The following RGPD4 variants were observed in gnomAD, a reference collection of about 807,000 sequenced individuals.
RGPD4 encodes RANBP2 like and GRIP domain containing 4.
In RGPD4, 84 loss-of-function variants were observed where a neutral mutation model predicts 141.1. The ratio of observed to expected loss-of-function variants is 0.60; its 90% CI spans 0.50 to 0.71. The LOEUF (loss-of-function observed/expected upper bound fraction) is 0.71, where lower values mean the gene tolerates loss of function less well. RGPD4 is among the 30% of genes least tolerant of loss of function. The pLI is 0.00. For missense variants in RGPD4, 918 were observed against 1,622.4 expected, an observed-to-expected ratio of 0.57 and a Z score of 7.46; for synonymous variants, 298 against 566.8, an observed-to-expected ratio of 0.53 and a Z score of 6.74.
At chr2:107,889,297 T>A (rs1675588327) in intron 22 of RGPD4, among the ~76,000 whole-genome samples, 1 of 109,838 alleles carries the variant, frequency 9.1e-6, no homozygotes, top group South Asian at 3.5e-4. Context: ...ATGAATTATA[T>A]CTCCAAAACA....
intron 22 of RGPD4, among the ~76,000 whole-genome samples, chr2:107,883,389 T>G (rs1277843250): frequency 1.3e-5 from 2 of 151,522 alleles, no homozygotes; most frequent in Non-Finnish European, 2.9e-5. Context: ...CCCACCACTT[T>G]GGGAGGCCGA....
At chr2:107,845,502 T>C (rs1190214877) in intron 6 of RGPD4, among the ~76,000 whole-genome samples, 1 of 148,170 alleles carries the variant, frequency 6.7e-6, no homozygotes, top group African/African-American at 2.6e-5. Flanking sequence ...GAGGGGTTAC[T>C]TGGGGGCCTG....
chr2:107,829,676 G>A (rs1681396830), intron 1 of RGPD4, among the ~76,000 whole-genome samples: 2 of 152,164 alleles, frequency 1.3e-5, no homozygotes. Flanking sequence ...AGCGCAGGAA[G>A]AGTCCTGGGG....
intron 6 of RGPD4, among the ~76,000 whole-genome samples, chr2:107,847,680 C>T (rs1681998577): frequency 1.8e-5 from 1 of 56,242 alleles, no homozygotes; most frequent in Admixed American, 1.3e-4. Flanking sequence ...AAAAGTTTAT[C>T]GGGGCATGGT....
intron 20 of RGPD4, among the ~76,000 whole-genome samples, chr2:107,878,568 T>C (rs2104512165): frequency 6.6e-6 from 1 of 150,730 alleles, no homozygotes; most frequent in Non-Finnish European, 1.5e-5. Flanking sequence ...ATATGCTTTT[T>C]TGGGCTGCTC....
chr2:107,886,298 TAAAA>T (rs201117721), intron 22 of RGPD4, among the ~76,000 whole-genome samples: 1 of 80,218 alleles, frequency 1.2e-5, no homozygotes, highest in Non-Finnish European at 2.5e-5. Context: ...CAAGCAGTAT[TAAAA>T]AAAAAAAGAA....
At chr2:107,834,878 A>G (rs1681619301) in intron 1 of RGPD4, among the ~76,000 whole-genome samples, 1 of 68,378 alleles carries the variant, frequency 1.5e-5, no homozygotes, top group Non-Finnish European at 3.0e-5. Flanking sequence ...ATAAGTGCTT[A>G]GTTGAGATGG....
In RGPD4 at chr2:107,891,767, G is replaced by T; in HGVS notation, c.*1036G>T. On this transcript the variant is annotated 3_prime_UTR_variant, in exon 23 of 23. Coordinates refer to ENST00000408999, the MANE Select transcript of RGPD4 (RefSeq NM_182588.3). Reference sequence around the variant, plus strand: ...AACAGTGACTATATCACTCAGCATTGGATCTAAATATAAAAGTGGTGCTTT... The same window carrying T: ...AACAGTGACTATATCACTCAGCATTTGATCTAAATATAAAAGTGGTGCTTT... Among the ~76,000 whole-genome samples the T allele has an allele frequency of 7.6e-6, 1 of 131,042 alleles. No homozygotes were observed. Among genetic ancestry groups the T allele is most frequent in the African/African-American group, 2.8e-5 (1 of 35,448 alleles). 86.0% of individuals were successfully genotyped at this position (131,042 alleles called of 152,430 possible).
chr2:107,836,524 G>T, intron 1 of RGPD4, 78 bp from the exon 2 acceptor site: 2 of 1,278,904 alleles, frequency 1.6e-6, no homozygotes, highest in Non-Finnish European at 2.1e-6. Context: ...TAAACTTAGG[G>T]CAGATTTTTA....
At position 107,834,429 on chromosome 2, in the gene RGPD4, T is replaced by G. The variant is rs2919938; in HGVS notation, c.73-2173T>G. On this transcript the variant is annotated intron_variant, in intron 1 of 22. Transcript: ENST00000408999. ...TTCATGAGTTTTAAATTGCAAACAG[T>G]TCTGAATAACATGATAAAAATCTCA... is the stretch of plus-strand genomic sequence containing the variant. Among the ~76,000 whole-genome samples the G allele has an allele frequency of 2.5e-3, 384 of 151,724 alleles. 1 individual carries two copies. The highest frequency in any genetic ancestry group is 7.8e-3 in the African/African-American group (323 of 41,238).
At chr2:107,882,427 CT>C (rs1320070873) in intron 21 of RGPD4, among the ~76,000 whole-genome samples, 3 of 151,564 alleles carry the variant, frequency 2.0e-5, no homozygotes, top group Non-Finnish European at 4.4e-5. Flanking sequence ...GCAAATGCAG[CT>C]TTGAAACTAT....
chr2:107,889,127 G>C lies in RGPD4; in HGVS notation c.5267-1594G>C, dbSNP rs575321452. ...AGGTCAAACTGTCATACATATATAC[G>C]TATGAAAACACAGAATGGTGTCTGG... is the stretch of plus-strand genomic sequence containing the variant. On this transcript the variant is annotated intron_variant, in intron 22 of 22. Coordinates refer to ENST00000408999, the MANE Select transcript of RGPD4 (RefSeq NM_182588.3). Among the ~76,000 whole-genome samples the C allele has an allele frequency of 5.9e-3, 876 of 149,664 alleles. 4 individuals are homozygous for C. Among genetic ancestry groups the C allele is most frequent in the African/African-American group, 0.021 (816 of 39,394 alleles).
chr2:107,876,528 A>G (rs1057394866), intron 20 of RGPD4, among the ~76,000 whole-genome samples: 1 of 151,228 alleles, frequency 6.6e-6, no homozygotes, highest in African/African-American at 2.4e-5. Context: ...GAATGTGTAG[A>G]ACTGCATAAC....
rs1211387960 is a variant in RGPD4 at position 107,886,618 on chromosome 2, AC to A, written c.5266+3746del. ...CCAGAAAGAAAGACATGCAAAGGAA[AC>A]TTACCACCATATTACAGATATGGAC... On this transcript the variant is annotated intron_variant, in intron 22 of 22. Coordinates refer to ENST00000408999, the MANE Select transcript of RGPD4 (RefSeq NM_182588.3). Among the ~76,000 whole-genome samples the A allele has an allele frequency of 5.4e-4, 82 of 151,988 alleles. 1 individual carries two copies. The highest frequency in any genetic ancestry group is 5.9e-5 in the Non-Finnish European group (4 of 67,996).
At chr2:107,827,332 G>C (rs542301792) in intron 1 of RGPD4, among the ~76,000 whole-genome samples, 2 of 90,304 alleles carry the variant, frequency 2.2e-5, no homozygotes, top group Admixed American at 1.0e-4. Context: ...GACCCGGCCC[G>C]GCGGCGGCCT....
rs2919173 is a variant in RGPD4 at position 107,849,202 on chromosome 2, G to A, written c.978+666G>A. 1.6e-4 allele frequency among the ~76,000 whole-genome samples: 10 copies of A among 61,834 alleles called. 1 individual carries two copies. Among genetic ancestry groups the A allele is most frequent in the Admixed American group, 9.5e-4 (7 of 7,356 alleles). 40.6% of individuals were successfully genotyped at this position (61,834 alleles called of 152,430 possible). A position where few individuals can be genotyped will look rare whatever the true frequency, so the allele number is the denominator to read the frequency against. ...CCCGAGTAGCTGGGACTACAGGCCC[G>A]TGCTACCAAGCCCAGCTAATTTTTT... is the stretch of plus-strand genomic sequence containing the variant. On this transcript the variant is annotated intron_variant, in intron 7 of 22. Transcript: ENST00000408999.
chr2:107,828,048 G>T (rs1281483397), intron 1 of RGPD4, among the ~76,000 whole-genome samples: 1 of 57,564 alleles, frequency 1.7e-5, no homozygotes, highest in Non-Finnish European at 3.5e-5. Flanking sequence ...CATGGCTCCC[G>T]ACGGGCGCTG....
intron 22 of RGPD4, among the ~76,000 whole-genome samples, chr2:107,886,588 A>G (rs1016536297): frequency 2.0e-5 from 3 of 151,630 alleles, no homozygotes; most frequent in African/African-American, 7.3e-5. Context: ...AAAAGGTCTA[A>G]GATGCCAGAA....
In RGPD4 at chr2:107,890,817, A is replaced by G; in HGVS notation, c.*86A>G. ...GTTGATGGAAGGAATATTTTTATTA[A>G]CCAAATAAAATCTATTTACAAAAAT... On this transcript the variant is annotated 3_prime_UTR_variant, in exon 23 of 23. Coordinates refer to ENST00000408999, the MANE Select transcript of RGPD4 (RefSeq NM_182588.3). 1.9e-6 allele frequency: 3 copies of G among 1,563,294 alleles called. No individual in the cohort carries two copies. The highest frequency in any genetic ancestry group is 2.6e-6 in the Non-Finnish European group (3 of 1,147,822).
Sources: allele counts gnomAD v4.1 joint callset (sites outside exome capture counted in the v4.1 genomes callset), GRCh38; gene constraint gnomAD v4.1.1; transcripts MANE v1.5; gene names NCBI Gene and HGNC (gene_info 2026-07-23, HGNC 2026-07-21).